The following CALN1 variants were observed in gnomAD, a reference collection of about 807,000 sequenced individuals.
CALN1 encodes calneuron 1, also known as calcium-binding protein 8.
In CALN1, 17 loss-of-function variants were observed where a neutral mutation model predicts 30.6. That is an observed-to-expected ratio of 0.56 (90% CI 0.38 to 0.83). CALN1 has a LOEUF of 0.83. CALN1 is among the 40% of genes least tolerant of loss of function. The pLI is 0.00. For synonymous variants in CALN1, 156 were observed against 131.4 expected, an observed-to-expected ratio of 1.19 and a Z score of -1.28; for missense variants, 291 against 354.9, an observed-to-expected ratio of 0.82 and a Z score of 1.45.
At chr7:71,847,702 AAAGAAGAAAGAAGAAAG>A (rs1451812632) in intron 5 of CALN1, among the ~76,000 whole-genome samples, 68 of 116,734 alleles carry the variant, frequency 5.8e-4, no homozygotes, top group Middle Eastern at 3.7e-3. Context: ...GAGGAAGAAG[AAAGAAGAAAGAAGAAAG>A]AAGAAGAAAG....
upstream of CALN1, among the ~76,000 whole-genome samples, chr7:72,451,055 TC>T (rs1808645055): frequency 1.3e-5 from 2 of 150,942 alleles, no homozygotes; most frequent in Admixed American, 1.3e-4. Context: ...TCTCCACAGT[TC>T]CTCAGAACAG....
At chr7:72,409,676 A>G (rs1189007810) in intron 1 of CALN1, among the ~76,000 whole-genome samples, 1 of 151,984 alleles carries the variant, frequency 6.6e-6, no homozygotes, top group African/African-American at 2.4e-5. Context: ...GGGAATGGAG[A>G]GGGATGAACC....
In CALN1 at chr7:72,434,521, A is replaced by AAGAAGGAGAAGG. The variant is rs200458612; in HGVS notation, c.-226+12509_-226+12520dup. 8.9e-4 allele frequency among the ~76,000 whole-genome samples: 135 copies of AAGAAGGAGAAGG among 151,364 alleles called. 1 individual carries two copies. Among genetic ancestry groups the AAGAAGGAGAAGG allele is most frequent in the African/African-American group, 2.7e-3 (109 of 41,036 alleles). ...TGGTGACAGTGCGAGACTCCATCAGAAGAAGGAGAAGGAGAAGGAGAAGGA... is the reference window on the plus strand; with the variant it reads ...TGGTGACAGTGCGAGACTCCATCAGAAGAAGGAGAAGGAGAAGGAGAAGGAGAAGGAGAAGGA... On this transcript the variant is annotated intron_variant, in intron 1 of 6. Transcript: ENST00000395276.
At chr7:71,821,158 T>C (rs930169003) in intron 5 of CALN1, among the ~76,000 whole-genome samples, 10 of 152,142 alleles carry the variant, frequency 6.6e-5, no homozygotes, top group African/African-American at 1.9e-4. Context: ...CAGATGATGA[T>C]AAAGTCATCA....
chr7:71,925,176 G>A (rs1795197147), intron 5 of CALN1, among the ~76,000 whole-genome samples: 1 of 152,166 alleles, frequency 6.6e-6, no homozygotes, highest in South Asian at 2.1e-4. Context: ...GGAAGGTGGA[G>A]GCTGCAGTGA....
chr7:72,085,452 C>T (rs1003954464), intron 4 of CALN1, among the ~76,000 whole-genome samples: 7 of 151,958 alleles, frequency 4.6e-5, no homozygotes, highest in Non-Finnish European at 7.4e-5. Flanking sequence ...TAATCTCTTA[C>T]TGCACCTGAT....
chr7:72,058,358 C>T (rs1249312722), intron 4 of CALN1, among the ~76,000 whole-genome samples: 1 of 132,318 alleles, frequency 7.6e-6, no homozygotes, highest in Non-Finnish European at 1.6e-5. Context: ...CGCACTGTTG[C>T]CCAGGCTGGA....
intron 4 of CALN1, among the ~76,000 whole-genome samples, chr7:72,048,206 A>C (rs1033683396): frequency 6.6e-6 from 1 of 151,870 alleles, no homozygotes; most frequent in Non-Finnish European, 1.5e-5. Context: ...CACCCGGCTA[A>C]TTTTTGTATT....
At chr7:71,935,153 A>G (rs1795763005) in intron 5 of CALN1, among the ~76,000 whole-genome samples, 1 of 152,010 alleles carries the variant, frequency 6.6e-6, no homozygotes. Flanking sequence ...CTAAGGATCT[A>G]GAGTAGATGA....
At chr7:71,797,468 T>C (rs1786998558) in intron 6 of CALN1, among the ~76,000 whole-genome samples, 1 of 152,120 alleles carries the variant, frequency 6.6e-6, no homozygotes, top group Non-Finnish European at 1.5e-5. Flanking sequence ...ACCAATGATA[T>C]CAGAAATGCC....
At chr7:71,805,644 T>C (rs888789790) in intron 6 of CALN1, among the ~76,000 whole-genome samples, 3 of 152,150 alleles carry the variant, frequency 2.0e-5, no homozygotes, top group Admixed American at 6.6e-5. Flanking sequence ...ACACTCAGTG[T>C]TGATCGTGAG....
At chr7:72,302,893 C>CA (rs71069055) in intron 2 of CALN1, among the ~76,000 whole-genome samples, 533 of 48,494 alleles carry the variant, frequency 0.011, 42 homozygotes, top group Admixed American at 0.013. Flanking sequence ...GTGAGGGTCT[C>CA]AAAAAAAAAA....
intron 3 of CALN1, among the ~76,000 whole-genome samples, chr7:72,142,271 C>T (rs758435544): frequency 9.9e-5 from 15 of 152,196 alleles, no homozygotes; most frequent in Non-Finnish European, 1.8e-4. Context: ...GTCACTCCCA[C>T]CCTAATACTG....
the CALN1 span, among the ~76,000 whole-genome samples, chr7:72,484,030 C>A: frequency 6.6e-6 from 1 of 152,042 alleles, no homozygotes; most frequent in Non-Finnish European, 1.5e-5. Flanking sequence ...GTCCCCATGT[C>A]TTTTCTTCAC....
intron 3 of CALN1, among the ~76,000 whole-genome samples, chr7:72,222,317 G>A (rs1237325223): frequency 1.3e-5 from 2 of 152,184 alleles, no homozygotes; most frequent in African/African-American, 4.8e-5. Context: ...TGTGATGCTG[G>A]CATCTGCTTG....
chr7:72,313,748 T>C (rs534756550), intron 2 of CALN1, among the ~76,000 whole-genome samples: 20 of 152,284 alleles, frequency 1.3e-4, no homozygotes, highest in Non-Finnish European at 2.4e-4. Flanking sequence ...TGGCTAATAA[T>C]TGGCAAACTG....
intron 3 of CALN1, among the ~76,000 whole-genome samples, chr7:72,222,715 C>A (rs143731070): frequency 3.3e-4 from 50 of 152,210 alleles, no homozygotes; most frequent in African/African-American, 1.2e-3. Context: ...GGCCAGAAAT[C>A]ACAAGCTAAA....
In CALN1 at chr7:72,214,880, T is replaced by C. The variant is rs117143102; in HGVS notation, c.244+63806A>G. ...CAAGGGATCTAGGTTGCACACTCCT[T>C]ATGAGGATCTAATGCCTAATGATCT... is the stretch of plus-strand genomic sequence containing the variant. On this transcript the variant is annotated intron_variant, in intron 3 of 6. Coordinates refer to ENST00000395275, the MANE Select transcript of CALN1 (RefSeq NM_031468.4). 3.1e-3 allele frequency among the ~76,000 whole-genome samples: 471 copies of C among 151,662 alleles called. 1 individual carries two copies. The highest frequency in any genetic ancestry group is 4.9e-3 in the Non-Finnish European group (334 of 67,970).
At chr7:71,792,865 A>T (rs1220504905) in intron 6 of CALN1, among the ~76,000 whole-genome samples, 1 of 151,980 alleles carries the variant, frequency 6.6e-6, no homozygotes, top group Non-Finnish European at 1.5e-5. Flanking sequence ...GTGAAGGTCA[A>T]CCAGGAAACA....
Sources: gnomAD v4.1 joint callset for allele counts (sites outside exome capture counted in the v4.1 genomes callset) on GRCh38, gnomAD v4.1.1 for gene constraint, MANE v1.5 for transcripts, NCBI Gene and HGNC (gene_info 2026-07-23, HGNC 2026-07-21) for gene names.